The following CMTM4 variants were observed in gnomAD, a reference collection of about 807,000 sequenced individuals.
CMTM4 encodes CKLF-like MARVEL transmembrane domain-containing protein 4.
CMTM4 carries 8 observed loss-of-function variants against 19.0 expected under a neutral mutation model. That is an observed-to-expected ratio of 0.42 (90% CI 0.25 to 0.76). The LOEUF is 0.76. Among genes scored for constraint, CMTM4 ranks in the 30% least tolerant of loss-of-function variants. The pLI, the probability that CMTM4 is intolerant of heterozygous loss-of-function variation, is 0.27. For synonymous variants in CMTM4, 106 were observed against 121.1 expected (o/e 0.88, Z 0.82); for missense variants, 228 against 290.2 (o/e 0.79, Z 1.56).
chr16:66,608,509 G>A, the CMTM4 span: 1 of 1,597,860 alleles, frequency 6.3e-7, no homozygotes, highest in Non-Finnish European at 8.5e-7. This position sits in a 1 kb window ranked among gnomAD's most constrained non-coding sequence, Gnocchi z 5.1. Flanking sequence ...TGCACAAAGT[G>A]GCCAGATGAG....
the CMTM4 span, among the ~76,000 whole-genome samples, chr16:66,602,125 G>C: frequency 2.6e-5 from 4 of 152,230 alleles, no homozygotes; most frequent in Admixed American, 2.6e-4. Context: ...GGCCAGGTGC[G>C]GTGGCTCACG....
At position 66,622,812 on chromosome 16, in the gene CMTM4, T is replaced by C. The variant is rs2015664103; in HGVS notation, c.463-590A>G. Among the ~76,000 whole-genome samples, 3 of 152,166 alleles carry C rather than the reference T, an allele frequency of 2.0e-5. No homozygotes were observed. The highest frequency in any genetic ancestry group is 2.0e-4 in the Admixed American group (3 of 15,282). On this transcript the variant is annotated intron_variant, in intron 3 of 3. Transcript: ENST00000394106. This position sits in a 1 kb window ranked among gnomAD's most constrained non-coding sequence, Gnocchi z 4.0. ...AGCACAGAGTTTTAATTATTAAGAC[T>C]TACAAATCGCCTGAGTGGCACCTGG...
At chr16:66,598,893 C>T in the CMTM4 span, among the ~76,000 whole-genome samples, 1 of 152,116 alleles carries the variant, frequency 6.6e-6, no homozygotes, top group Non-Finnish European at 1.5e-5. Context: ...ATAATCCCAG[C>T]ACTTTGGGAG....
chr16:66,670,626 C>G (rs1567425776), intron 1 of CMTM4, among the ~76,000 whole-genome samples: 1 of 151,804 alleles, frequency 6.6e-6, no homozygotes, highest in African/African-American at 2.4e-5. Flanking sequence ...ATGGTGAAAC[C>G]CCGTCTTTAC....
In CMTM4 at chr16:66,622,344, C is replaced by T; in HGVS notation, c.463-122G>A. 2.8e-6 allele frequency: 3 copies of T among 1,062,510 alleles called. No individual in the cohort carries two copies. In the South Asian group the frequency reaches 4.7e-5, roughly 16 times the overall value. The allele number at this position is 1,062,510 out of a possible 1,614,324, so 65.8% of individuals were successfully genotyped here. A position where few individuals can be genotyped will look rare whatever the true frequency, so the allele number is the denominator to read the frequency against. ...GCCAGCTGATCATTACAACCCTGTGCCTTCATTCCTTGATCTCTTCCCCCT... is the reference window on the plus strand; with the variant it reads ...GCCAGCTGATCATTACAACCCTGTGTCTTCATTCCTTGATCTCTTCCCCCT... On this transcript the variant is annotated intron_variant, in intron 3 of 3. Transcript: ENST00000394106. The surrounding 1 kb of genome is among the most constrained non-coding windows in gnomAD (Gnocchi z 4.0).
chr16:66,673,071 A>ATTTTTTTTTTT (rs758565705), intron 1 of CMTM4, among the ~76,000 whole-genome samples: 401 of 86,770 alleles, frequency 4.6e-3, no homozygotes, highest in Non-Finnish European at 5.6e-3. Context: ...CACCACACCA[A>ATTTTTTTTTTT]TTTTTTTTTT....
intron 1 of CMTM4, among the ~76,000 whole-genome samples, chr16:66,640,170 G>A (rs764795072): frequency 5.9e-5 from 9 of 151,990 alleles, no homozygotes; most frequent in Non-Finnish European, 7.4e-5. Context: ...GCATGGTGGC[G>A]CACGCCTGTA....
At chr16:66,673,390 T>C (rs879440358) in intron 1 of CMTM4, among the ~76,000 whole-genome samples, 2 of 151,544 alleles carry the variant, frequency 1.3e-5, no homozygotes, top group African/African-American at 2.4e-5. Flanking sequence ...TTATTTTTTG[T>C]AGAGACAGGG....
chr16:66,682,225 C>T (rs540411684), intron 1 of CMTM4, among the ~76,000 whole-genome samples: 35 of 152,180 alleles, frequency 2.3e-4, no homozygotes, highest in Non-Finnish European at 2.8e-4. Flanking sequence ...TTACTGACAT[C>T]TAGTTACTGA....
chr16:66,682,947 T>C (rs925194360), intron 1 of CMTM4, among the ~76,000 whole-genome samples: 15 of 152,050 alleles, frequency 9.9e-5, no homozygotes, highest in African/African-American at 2.7e-4. Context: ...AAGCCTCTTA[T>C]GGTTTCCCCA....
At chr16:66,672,430 A>C (rs2016726057) in intron 1 of CMTM4, among the ~76,000 whole-genome samples, 1 of 151,250 alleles carries the variant, frequency 6.6e-6, no homozygotes, top group South Asian at 2.1e-4. Flanking sequence ...AAAAAAAAAA[A>C]AAAACCTAAT....
At chr16:66,677,827 A>C (rs1227287704) in intron 1 of CMTM4, among the ~76,000 whole-genome samples, 1 of 151,870 alleles carries the variant, frequency 6.6e-6, no homozygotes, top group Non-Finnish European at 1.5e-5. Context: ...CCAGCCTCCT[A>C]AGTAGCTGGG....
rs1376895105 is a variant in CMTM4 at position 66,617,098 on chromosome 16, G to T, written c.*4960C>A. The T allele has an allele frequency of 3.7e-6, 2 of 545,230 alleles. No individual in the cohort carries two copies. The highest frequency in any genetic ancestry group is 3.2e-6 in the Non-Finnish European group (1 of 316,596). The allele number at this position is 545,230 out of a possible 1,614,324, so 33.8% of individuals were successfully genotyped here. A position where few individuals can be genotyped will look rare whatever the true frequency, so the allele number is the denominator to read the frequency against. ...TAAAAGTTTCAATAGCTCCCTGGGG[G>T]TCCAAGCCAAAGGCTCCCTGGCCTT... On this transcript the variant is annotated 3_prime_UTR_variant, in exon 4 of 4. Transcript: ENST00000394106.
Position 66,618,770 on chromosome 16 carries a change from G to A in CMTM4, c.*3288C>T, listed in dbSNP as rs142834247. 0.016 allele frequency: 16,210 copies of A among 985,462 alleles called. 155 individuals are homozygous for A. The highest frequency in any genetic ancestry group is 0.025 in the Middle Eastern group (48 of 1,914). The allele number at this position is 985,462 out of a possible 1,614,324, so 61.0% of individuals were successfully genotyped here. A position where few individuals can be genotyped will look rare whatever the true frequency, so the allele number is the denominator to read the frequency against. The stretch of plus-strand genomic sequence containing the variant: ...GTCAGAATGTTTTCAACTGAGTCAC[G>A]AAGCTGTCCCAGAAGCACCCGACAT... On this transcript the variant is annotated 3_prime_UTR_variant, in exon 4 of 4. Coordinates refer to ENST00000394106, the MANE Select transcript of CMTM4 (RefSeq NM_181521.3).
At chr16:66,674,382 A>C (rs2016766862) in intron 1 of CMTM4, among the ~76,000 whole-genome samples, 4 of 152,228 alleles carry the variant, frequency 2.6e-5, no homozygotes, top group Admixed American at 2.6e-4. Context: ...CTGCAGAGAC[A>C]GGGACGGACA....
chr16:66,606,931 T>C, the CMTM4 span, among the ~76,000 whole-genome samples: 1 of 152,028 alleles, frequency 6.6e-6, no homozygotes, highest in Non-Finnish European at 1.5e-5. Flanking sequence ...GAGGTGGAGG[T>C]TGCAGTGAAC....
chr16:66,609,830 C>CT, downstream of CMTM4: 1 of 1,614,160 alleles, frequency 6.2e-7, no homozygotes, highest in Non-Finnish European at 8.5e-7. This position sits in a 1 kb window ranked among gnomAD's most constrained non-coding sequence, Gnocchi z 4.4. Flanking sequence ...GGGCAGCAGC[C>CT]TCCCGGAGCA....
chr16:66,624,585 G>T (rs1358741801), intron 2 of CMTM4, among the ~76,000 whole-genome samples: 1 of 152,168 alleles, frequency 6.6e-6, no homozygotes, highest in Non-Finnish European at 1.5e-5. Flanking sequence ...TGGTCAACAT[G>T]GTGAAACCCC....
chr16:66,684,412 A>T (rs1437987279), intron 1 of CMTM4, among the ~76,000 whole-genome samples: 3 of 151,964 alleles, frequency 2.0e-5, no homozygotes. Flanking sequence ...CCTGACCTCA[A>T]GTGATCTGCC....
Sources: allele counts gnomAD v4.1 joint callset (sites outside exome capture counted in the v4.1 genomes callset), GRCh38; gene constraint gnomAD v4.1.1; non-coding constraint Gnocchi (gnomAD v3.1); transcripts MANE v1.5; gene names NCBI Gene and HGNC (gene_info 2026-07-23, HGNC 2026-07-21).